Variants in UGT1A8 observed in about 807,000 individuals in gnomAD.
UGT1A8 encodes the protein UDP-glucuronosyltransferase 1A8.
In UGT1A8, 39 loss-of-function variants were observed where a neutral mutation model predicts 45.3. The observed-to-expected ratio is 0.86, with a 90% CI of 0.67 to 1.12. UGT1A8 has a LOEUF of 1.12. Ranked by LOEUF, UGT1A8 falls within the 50% of genes most tolerant of loss-of-function variation. The probability of loss-of-function intolerance (pLI) is 0.00; values close to 1 mark genes in which losing one functional copy is unlikely to be tolerated. For missense variants in UGT1A8, 719 were observed against 664.9 expected (o/e 1.08, Z -0.90); for synonymous variants, 275 against 249.2 (o/e 1.10, Z -0.97).
chr2:233,692,638 A>T (rs1027065840), intron 1 of UGT1A8, among the ~76,000 whole-genome samples: 1 of 152,230 alleles, frequency 6.6e-6, no homozygotes, highest in East Asian at 1.9e-4. Context: ...GACAACGTCA[A>T]TGATGAGGAA....
chr2:233,734,102 A>G (rs1165382391), intron 1 of UGT1A8, among the ~76,000 whole-genome samples: 2 of 142,668 alleles, frequency 1.4e-5, no homozygotes, highest in East Asian at 3.9e-4. Flanking sequence ...AACTTAAAGT[A>G]TAATAATAAT....
In UGT1A8 at chr2:233,747,787, C is replaced by T. The variant is rs1693777925; in HGVS notation, c.856-19247C>T. On this transcript the variant is annotated intron_variant, in intron 1 of 4. Coordinates refer to ENST00000373450, the MANE Select transcript of UGT1A8 (RefSeq NM_019076.5). ...GGCACACAGTGTCCAAATCCTTCCTCCTATATTCCTAAGTTACTAACGACC... is the reference window on the plus strand; with the variant it reads ...GGCACACAGTGTCCAAATCCTTCCTTCTATATTCCTAAGTTACTAACGACC... The T allele has an allele frequency of 6.8e-6, 11 of 1,613,400 alleles. No homozygotes were observed. The South Asian group carries it at 1.2e-4, about 18-fold the overall frequency.
At chr2:233,717,810 ATGCAGCCCGTTCTGTTCTGGAGGAACCAT>A (rs1283928301) in intron 1 of UGT1A8, 9 of 455,784 alleles carry the variant, frequency 2.0e-5, no homozygotes, top group Non-Finnish European at 4.0e-5. Flanking sequence ...CCCACAAATT[ATGCAGCCCGTTCTGTTCTGGAGGAACCAT>A]TCTTATCAGA....
At chr2:233,724,380 G>A (rs868115518) in intron 1 of UGT1A8, among the ~76,000 whole-genome samples, 4,371 of 138,732 alleles carry the variant, frequency 0.032, 38 homozygotes, top group African/African-American at 0.047. Flanking sequence ...GCTGCCGGGC[G>A]GAGACGCTCC....
intron 1 of UGT1A8, chr2:233,743,818 G>T: frequency 1.5e-6 from 2 of 1,367,270 alleles, no homozygotes; most frequent in Non-Finnish European, 2.0e-6. Context: ...CAGGGTTTTT[G>T]TCGGGGTGCC....
chr2:233,743,306 T>C (rs1214734501), intron 1 of UGT1A8: 2 of 592,290 alleles, frequency 3.4e-6, no homozygotes, highest in Non-Finnish European at 5.6e-6. Flanking sequence ...ATTCTCTTGG[T>C]GGTGATTTTT....
chr2:233,642,166 T>C (rs1321771707), intron 1 of UGT1A8, among the ~76,000 whole-genome samples: 2 of 152,238 alleles, frequency 1.3e-5, no homozygotes, highest in Non-Finnish European at 2.9e-5. Flanking sequence ...GAGGCTATTT[T>C]CTAGATCCTA....
intron 1 of UGT1A8, among the ~76,000 whole-genome samples, chr2:233,716,917 G>A (rs2076533207): frequency 6.6e-6 from 1 of 152,116 alleles, no homozygotes. Flanking sequence ...CCTGGAAGCT[G>A]ATGCCTTGGG....
chr2:233,768,737 C>A (rs947383404), intron 4 of UGT1A8, among the ~76,000 whole-genome samples: 9 of 151,868 alleles, frequency 5.9e-5, no homozygotes, highest in Admixed American at 5.2e-4. Flanking sequence ...TGTCCACCAC[C>A]ACGCCCGGTT....
rs762751427 is a variant in UGT1A8 at position 233,729,397 on chromosome 2, C to G, written c.856-37637C>G. ...TTCGTGGACCCAGGATGAATTTGAT[C>G]GCCATGTGCTGGGCCACACTCAACT... On this transcript the variant is annotated intron_variant, in intron 1 of 4. Coordinates refer to ENST00000373450, the MANE Select transcript of UGT1A8 (RefSeq NM_019076.5). 2 of 1,613,656 alleles carry G rather than the reference C, an allele frequency of 1.2e-6. No homozygotes were observed. Among genetic ancestry groups the G allele is most frequent in the Non-Finnish European group, 8.5e-7 (1 of 1,179,714 alleles).
At chr2:233,636,362 T>C in intron 1 of UGT1A8, 1 of 1,246,654 alleles carries the variant, frequency 8.0e-7, no homozygotes, top group African/African-American at 1.5e-5. Context: ...GTGTTATCGT[T>C]CTTATGAGTA....
chr2:233,620,326 A>G (rs1372510211), intron 1 of UGT1A8, among the ~76,000 whole-genome samples: 1 of 152,142 alleles, frequency 6.6e-6, no homozygotes, highest in Non-Finnish European at 1.5e-5. Flanking sequence ...TCTCCTCATT[A>G]TCCTCCATTA....
At chr2:233,690,906 T>C in intron 1 of UGT1A8, 3 of 1,026,092 alleles carry the variant, frequency 2.9e-6, no homozygotes, top group Non-Finnish European at 3.5e-6. Flanking sequence ...TGCATAGTGA[T>C]GTTAGTTTCA....
intron 1 of UGT1A8, among the ~76,000 whole-genome samples, chr2:233,726,233 C>G (rs536787138): frequency 6.6e-6 from 1 of 152,166 alleles, no homozygotes; most frequent in Non-Finnish European, 1.5e-5. Flanking sequence ...TTTTTTAAAA[C>G]TCCAATATGA....
intron 1 of UGT1A8, among the ~76,000 whole-genome samples, chr2:233,712,404 C>G (rs2076232549): frequency 6.6e-6 from 1 of 152,176 alleles, no homozygotes; most frequent in Admixed American, 6.5e-5. Flanking sequence ...AGAGAGTCCT[C>G]TTTGAGCTTT....
In UGT1A8 at chr2:233,749,724, G is replaced by A. The variant is rs575391114; in HGVS notation, c.856-17310G>A. Among the ~76,000 whole-genome samples the A allele has an allele frequency of 6.1e-4, 93 of 151,922 alleles. 2 individuals are homozygous for A. The highest frequency in any genetic ancestry group is 1.9e-3 in the African/African-American group (77 of 41,238). On this transcript the variant is annotated intron_variant, in intron 1 of 4. Coordinates refer to ENST00000373450, the MANE Select transcript of UGT1A8 (RefSeq NM_019076.5). ...GTGATTGGATCATGGGGGCAGTTTC[G>A]CACCTGCTGGTCTCATCATAGTGAG...
At chr2:233,664,941 C>G (rs1412393212) in intron 1 of UGT1A8, among the ~76,000 whole-genome samples, 1 of 152,176 alleles carries the variant, frequency 6.6e-6, no homozygotes, top group Admixed American at 6.5e-5. Flanking sequence ...TTTAAAGATA[C>G]TCTTTTTGGG....
At chr2:233,767,195 T>C (rs1699333145) in intron 2 of UGT1A8, 30 bp downstream of exon 2, 10 of 1,613,760 alleles carry the variant, frequency 6.2e-6, no homozygotes, top group Non-Finnish European at 6.8e-6. Context: ...TGGCCTCATA[T>C]CTATTTTCAC....
At chr2:233,672,301 A>C in intron 1 of UGT1A8, 1 of 1,613,826 alleles carries the variant, frequency 6.2e-7, no homozygotes, top group Non-Finnish European at 8.5e-7. Context: ...ATTTTTTTCA[A>C]ATTGCAGGAG....
Sources: gnomAD v4.1 joint callset for allele counts (sites outside exome capture counted in the v4.1 genomes callset) on GRCh38, gnomAD v4.1.1 for gene constraint, MANE v1.5 for transcripts, NCBI Gene and HGNC (gene_info 2026-07-23, HGNC 2026-07-21) for gene names.